Variants in MAP2K5 observed in about 807,000 individuals in gnomAD.
The protein encoded by MAP2K5 is mitogen-activated protein kinase kinase 5, also known as dual specificity mitogen-activated protein kinase kinase 5.
Under a neutral mutation model 83.1 loss-of-function variants are expected in MAP2K5, and 49 were observed. The ratio of observed to expected loss-of-function variants is 0.59; its 90% confidence interval spans 0.47 to 0.75. The LOEUF is 0.75. Among genes scored for constraint, MAP2K5 ranks in the 30% least tolerant of loss-of-function variants. MAP2K5 has a pLI of 0.00. For missense variants in MAP2K5, 457 were observed against 557.5 expected, an observed-to-expected ratio of 0.82 and a Z score of 1.82; for synonymous variants, 202 against 191.8, an observed-to-expected ratio of 1.05 and a Z score of -0.44.
rs375263211 is a variant in MAP2K5 at position 67,794,962 on chromosome 15, C to T, written c.1243-11684C>T. 2.8e-4 allele frequency among the ~76,000 whole-genome samples: 43 copies of T among 152,372 alleles called. 3 individuals are homozygous for T. The highest frequency in any genetic ancestry group is 7.8e-4 in the Admixed American group (12 of 15,306). On this transcript the variant is annotated intron_variant, in intron 21 of 21. Transcript: ENST00000178640. The surrounding 1 kb of genome is among the most constrained non-coding windows in gnomAD (Gnocchi z 4.6). ...GATGATAGGACTCTGAAACCTCTGA[C>T]GCCCCCGCGGTGGGTGATGTTTTGT...
chr15:67,625,937 A>G (rs916637306), intron 8 of MAP2K5, among the ~76,000 whole-genome samples: 5 of 152,188 alleles, frequency 3.3e-5, no homozygotes, highest in African/African-American at 9.7e-5. Flanking sequence ...TGGTATGTAT[A>G]TTAGACTATC....
chr15:67,592,873 G>C, intron 6 of MAP2K5, 53 bp from the exon 7 acceptor site: 1 of 1,190,882 alleles, frequency 8.4e-7, no homozygotes, highest in Non-Finnish European at 1.2e-6. Context: ...AATTTTCAGT[G>C]GTGTTCAGAG....
chr15:67,600,612 C>A (rs1412711546), intron 7 of MAP2K5, 73 bp from the exon 8 acceptor site: 6 of 1,170,792 alleles, frequency 5.1e-6, no homozygotes, highest in Non-Finnish European at 7.5e-6. Flanking sequence ...TGTTTATGGC[C>A]CAGAGTTGCT....
intron 17 of MAP2K5, among the ~76,000 whole-genome samples, chr15:67,737,687 G>A (rs1166751237): frequency 2.0e-5 from 3 of 152,048 alleles, no homozygotes; most frequent in African/African-American, 7.2e-5. Context: ...GCAGTTGTCT[G>A]TTTATGCACA....
intron 16 of MAP2K5, among the ~76,000 whole-genome samples, chr15:67,716,909 A>T (rs2088839107): frequency 6.6e-6 from 1 of 152,194 alleles, no homozygotes; most frequent in Non-Finnish European, 1.5e-5. Context: ...GAGGCACCAA[A>T]TATTGTTTCA....
At chr15:67,763,231 C>T (rs886749385) in intron 19 of MAP2K5, among the ~76,000 whole-genome samples, 15 of 151,920 alleles carry the variant, frequency 9.9e-5, no homozygotes, top group Non-Finnish European at 1.6e-4. Context: ...GTTCTATCTG[C>T]ATCATGAAAT....
chr15:67,726,210 A>G (rs1157208827), intron 16 of MAP2K5, among the ~76,000 whole-genome samples: 2 of 152,266 alleles, frequency 1.3e-5, no homozygotes, highest in Non-Finnish European at 2.9e-5. Context: ...ACACATACAC[A>G]CAAGCATATG....
At position 67,562,428 on chromosome 15, in the gene MAP2K5, A is replaced by G. The variant is rs1360372922; in HGVS notation, c.185-855A>G. On this transcript the variant is annotated intron_variant, in intron 2 of 21. Transcript: ENST00000178640. The surrounding 1 kb of genome is among the most constrained non-coding windows in gnomAD (Gnocchi z 4.1). ...TAAAGCAGTTTTGAAGAGATATTTC[A>G]AAAACTACTTTGAATAAGAGAAGTA... Among the ~76,000 whole-genome samples, 1 of 152,238 alleles carries G rather than the reference A, an allele frequency of 6.6e-6. No individual in the cohort carries two copies. Among genetic ancestry groups the G allele is most frequent in the Non-Finnish European group, 1.5e-5 (1 of 68,042 alleles).
intron 13 of MAP2K5, chr15:67,670,585 C>T (rs895129742): frequency 1.1e-5 from 4 of 360,070 alleles, no homozygotes; most frequent in African/African-American, 8.5e-5. Flanking sequence ...GTTTTCCCTG[C>T]CAAAAGGACA....
intron 8 of MAP2K5, among the ~76,000 whole-genome samples, chr15:67,606,655 G>A (rs374876444): frequency 1.3e-5 from 2 of 152,066 alleles, no homozygotes. Flanking sequence ...GTTGTGTTTT[G>A]CACTTGTGAT....
rs546049898 is a variant in MAP2K5, at chr15:67,668,778, A to G, written c.847+4133A>G. Reference sequence around the variant, plus strand: ...TTAGATTAAGAAAATAAAATTGGCAATCATTCTGGGGCCATCTTACACAGA... The same window carrying G: ...TTAGATTAAGAAAATAAAATTGGCAGTCATTCTGGGGCCATCTTACACAGA... On this transcript the variant is annotated intron_variant, in intron 13 of 21. Coordinates refer to ENST00000178640, the MANE Select transcript of MAP2K5 (RefSeq NM_145160.3). The surrounding 1 kb of genome is among the most constrained non-coding windows in gnomAD (Gnocchi z 4.0). Among the ~76,000 whole-genome samples the G allele has an allele frequency of 2.0e-5, 3 of 152,304 alleles. No homozygotes were observed. The highest frequency in any genetic ancestry group is 2.1e-4 in the South Asian group (1 of 4,828).
chr15:67,628,707 C>A (rs2086385640), intron 8 of MAP2K5: 1 of 838,512 alleles, frequency 1.2e-6, no homozygotes, highest in Admixed American at 1.7e-5. Context: ...GTTAGGAAAG[C>A]CCTGTTAAAG....
In MAP2K5 at chr15:67,623,728, G is replaced by A. The variant is rs926287094; in HGVS notation, c.546-7160G>A. Among the ~76,000 whole-genome samples the A allele has an allele frequency of 2.6e-5, 4 of 151,784 alleles. No individual in the cohort carries two copies. The South Asian group carries it at 6.3e-4, about 24-fold the overall frequency. On this transcript the variant is annotated intron_variant, in intron 8 of 21. Coordinates refer to ENST00000178640, the MANE Select transcript of MAP2K5 (RefSeq NM_145160.3). ...TTCTCCTGTCTCAGCCTCCTGAGTA[G>A]CTGGGATTACAGGCACCCACCACCA...
chr15:67,644,974 C>T lies in MAP2K5; in HGVS notation c.586-1257C>T, dbSNP rs983650421. ...ACCAGCCTGGCCAACATGGTGAAAC[C>T]CCATCTCTACTAAAAATACAAAAAT... On this transcript the variant is annotated intron_variant, in intron 9 of 21. Coordinates refer to ENST00000178640, the MANE Select transcript of MAP2K5 (RefSeq NM_145160.3). The surrounding 1 kb of genome is among the most constrained non-coding windows in gnomAD (Gnocchi z 4.6). Among the ~76,000 whole-genome samples, 2 of 151,554 alleles carry T rather than the reference C, an allele frequency of 1.3e-5. No homozygotes were observed. Among genetic ancestry groups the T allele is most frequent in the Non-Finnish European group, 2.9e-5 (2 of 67,936 alleles).
At chr15:67,621,158 A>G (rs1161315803) in intron 8 of MAP2K5, among the ~76,000 whole-genome samples, 1 of 152,160 alleles carries the variant, frequency 6.6e-6, no homozygotes, top group Non-Finnish European at 1.5e-5. Context: ...TGGTTATATT[A>G]ACATAAGACA....
At chr15:67,673,266 A>G (rs1271416246) in intron 13 of MAP2K5, among the ~76,000 whole-genome samples, 1 of 152,096 alleles carries the variant, frequency 6.6e-6, no homozygotes, top group Non-Finnish European at 1.5e-5. Context: ...AAAATGCACA[A>G]GACAGTCCCA....
At chr15:67,617,438 G>A (rs1441102231) in intron 8 of MAP2K5, among the ~76,000 whole-genome samples, 1 of 152,210 alleles carries the variant, frequency 6.6e-6, no homozygotes, top group African/African-American at 2.4e-5. Flanking sequence ...ATCAGAAAAT[G>A]TATGATCAGC....
rs1043667263 is a variant in MAP2K5, at chr15:67,577,145, C to T, written c.253-3609C>T. ...AGAGACGGGGTTTCACCTTGTTAGCCGGGATGGTCTCGATCTCCTGACCTC... is the reference window on the plus strand; with the variant it reads ...AGAGACGGGGTTTCACCTTGTTAGCTGGGATGGTCTCGATCTCCTGACCTC... On this transcript the variant is annotated intron_variant, in intron 3 of 21. Transcript: ENST00000178640. The surrounding 1 kb of genome is among the most constrained non-coding windows in gnomAD (Gnocchi z 4.1). Among the ~76,000 whole-genome samples the T allele has an allele frequency of 4.6e-5, 7 of 151,628 alleles. No homozygotes were observed. The highest frequency in any genetic ancestry group is 1.5e-4 in the African/African-American group (6 of 41,284).
At chr15:67,623,080 C>T (rs185885596) in intron 8 of MAP2K5, among the ~76,000 whole-genome samples, 9 of 152,092 alleles carry the variant, frequency 5.9e-5, no homozygotes, top group South Asian at 2.1e-4. Flanking sequence ...CCAGCCTGGG[C>T]GACAGAGCGA....
Sources: allele counts gnomAD v4.1 joint callset (sites outside exome capture counted in the v4.1 genomes callset), GRCh38; gene constraint gnomAD v4.1.1; non-coding constraint Gnocchi (gnomAD v3.1); transcripts MANE v1.5; gene names NCBI Gene and HGNC (gene_info 2026-07-23, HGNC 2026-07-21).